The following SYT6 variants were observed in gnomAD, a reference collection of about 807,000 sequenced individuals.
SYT6 encodes the protein synaptotagmin 6, also known as synaptotagmin-6.
In SYT6, 24 loss-of-function variants were observed where a neutral mutation model predicts 38.4. The ratio of observed to expected loss-of-function variants is 0.62; its 90% CI spans 0.45 to 0.88. The LOEUF (loss-of-function observed/expected upper bound fraction) is 0.88. Among genes scored for constraint, SYT6 ranks in the 40% least tolerant of loss-of-function variants. The pLI, the probability that SYT6 is intolerant of heterozygous loss-of-function variation, is 0.00. For missense variants in SYT6, 611 were observed against 621.0 expected, an observed-to-expected ratio of 0.98 and a Z score of 0.17; for synonymous variants, 265 against 241.9, an observed-to-expected ratio of 1.10 and a Z score of -0.89.
At chr1:114,126,123 A>T (rs1007756630) in intron 3 of SYT6, among the ~76,000 whole-genome samples, 4 of 150,624 alleles carry the variant, frequency 2.7e-5, no homozygotes, top group African/African-American at 1.0e-4. Flanking sequence ...GCTGGGTCTC[A>T]TGAGACCTGA....
chr1:114,146,610 G>T (rs1237461846), intron 1 of SYT6, among the ~76,000 whole-genome samples: 1 of 152,170 alleles, frequency 6.6e-6, no homozygotes, highest in Admixed American at 6.5e-5. Flanking sequence ...TTCACTTCAG[G>T]AAAAGCTAGA....
In SYT6 at chr1:114,090,815, T is replaced by G. The variant is rs903908234; in HGVS notation, c.*1319A>C. 4.6e-5 allele frequency: 7 copies of G among 152,546 alleles called. No individual in the cohort carries two copies. The highest frequency in any genetic ancestry group is 1.7e-4 in the African/African-American group (7 of 41,444). The allele number at this position is 152,546 out of a possible 1,614,324, so 9.4% of individuals were successfully genotyped here. On this transcript the variant is annotated 3_prime_UTR_variant, in exon 8 of 8. Coordinates refer to ENST00000610222, the MANE Select transcript of SYT6 (RefSeq NM_001253772.2). ...CTATTAACTCAACAGAAATGTGCTA[T>G]TACAACACAGAATAGTTCAAACAAT...
At chr1:114,098,488 A>T (rs654819) in intron 5 of SYT6, among the ~76,000 whole-genome samples, 124,175 of 152,118 alleles carry the variant, frequency 0.82, 51,202 homozygotes, top group African/African-American at 0.92. Context: ...GAGCAGGATG[A>T]GTGGAAGAGA....
intron 3 of SYT6, among the ~76,000 whole-genome samples, chr1:114,107,525 G>C (rs12140761): frequency 0.21 from 31,467 of 152,200 alleles, 3,772 homozygotes; most frequent in Non-Finnish European, 0.28. Flanking sequence ...TCCAGGCTTC[G>C]CACGGGGGAG....
intron 3 of SYT6, among the ~76,000 whole-genome samples, chr1:114,130,003 C>G (rs1678054387): frequency 6.6e-6 from 1 of 152,072 alleles, no homozygotes; most frequent in Non-Finnish European, 1.5e-5. Context: ...GTTCTTTGAT[C>G]ATGCCAGATG....
intron 4 of SYT6, among the ~76,000 whole-genome samples, chr1:114,099,944 T>C (rs11102730): frequency 0.31 from 47,153 of 151,978 alleles, 7,489 homozygotes; most frequent in East Asian, 0.4. Context: ...TTCTGGACAG[T>C]GGAGAATGAG....
intron 3 of SYT6, among the ~76,000 whole-genome samples, chr1:114,124,996 G>A (rs1050339522): frequency 6.6e-6 from 1 of 152,214 alleles, no homozygotes; most frequent in Non-Finnish European, 1.5e-5. Flanking sequence ...AAGAAGCTCT[G>A]GTGGACACCC....
At chr1:114,130,186 C>T (rs1230145112) in intron 3 of SYT6, among the ~76,000 whole-genome samples, 4 of 146,182 alleles carry the variant, frequency 2.7e-5, no homozygotes, top group South Asian at 4.7e-4. Flanking sequence ...CCCAACCCAA[C>T]TTTCCTATCA....
chr1:114,129,928 T>TC (rs1160271652), intron 3 of SYT6, among the ~76,000 whole-genome samples: 1 of 151,304 alleles, frequency 6.6e-6, no homozygotes, highest in Non-Finnish European at 1.5e-5. Context: ...CACATAATCC[T>TC]CCTGCCTCGG....
In SYT6 at chr1:114,114,267, G is replaced by GC. The variant is rs536055989; in HGVS notation, c.1072-10547dup. Reference sequence around the variant, plus strand: ...AAGAGTGAGTGTCCCCTTCCATTCTGCCCCCTGGGTACTTCACTCGCCTCA... The same window carrying GC: ...AAGAGTGAGTGTCCCCTTCCATTCTGCCCCCCTGGGTACTTCACTCGCCTCA... On this transcript the variant is annotated intron_variant, in intron 3 of 7. Coordinates refer to ENST00000610222, the MANE Select transcript of SYT6 (RefSeq NM_001253772.2). Among the ~76,000 whole-genome samples, 182 of 152,314 alleles carry GC rather than the reference G, an allele frequency of 1.2e-3. 1 individual carries two copies. The highest frequency in any genetic ancestry group is 4.3e-3 in the African/African-American group (177 of 41,564).
At chr1:114,112,812 G>A (rs1203235266) in intron 3 of SYT6, among the ~76,000 whole-genome samples, 1 of 152,238 alleles carries the variant, frequency 6.6e-6, no homozygotes, top group Non-Finnish European at 1.5e-5. Flanking sequence ...AAGTTGTCTT[G>A]CCGAGTGGCT....
intron 3 of SYT6, among the ~76,000 whole-genome samples, chr1:114,132,096 A>G (rs1248485089): frequency 1.3e-5 from 2 of 152,182 alleles, no homozygotes; most frequent in Non-Finnish European, 2.9e-5. Context: ...TTATTTACAT[A>G]TGGGGGATGA....
chr1:114,140,614 T>C (rs1204544167), intron 1 of SYT6, among the ~76,000 whole-genome samples: 2 of 152,214 alleles, frequency 1.3e-5, no homozygotes, highest in African/African-American at 4.8e-5. Context: ...ACTCTGTGCA[T>C]AGTAGGCTCA....
chr1:114,119,799 C>T (rs1571857560), intron 3 of SYT6, among the ~76,000 whole-genome samples: 1 of 152,202 alleles, frequency 6.6e-6, no homozygotes, highest in Non-Finnish European at 1.5e-5. Context: ...AGGCCGGGCA[C>T]GGTGGCTCAC....
At chr1:114,139,005 A>G (rs1678683801) in intron 2 of SYT6, among the ~76,000 whole-genome samples, 1 of 152,188 alleles carries the variant, frequency 6.6e-6, no homozygotes, top group Non-Finnish European at 1.5e-5. Flanking sequence ...GAGTAAATAC[A>G]ATGCCTTACG....
At chr1:114,148,219 CTCT>C (rs1402457809) in intron 1 of SYT6, among the ~76,000 whole-genome samples, 1 of 152,212 alleles carries the variant, frequency 6.6e-6, no homozygotes, top group Non-Finnish European at 1.5e-5. Flanking sequence ...GCCCCCTCCC[CTCT>C]TCTCCACCCA....
chr1:114,101,246 C>T (rs1296479245), intron 4 of SYT6, among the ~76,000 whole-genome samples: 1 of 152,118 alleles, frequency 6.6e-6, no homozygotes, highest in Non-Finnish European at 1.5e-5. Flanking sequence ...AACACTTTCA[C>T]CAGCATCCAT....
chr1:114,119,571 A>G (rs1245695019), intron 3 of SYT6, among the ~76,000 whole-genome samples: 3 of 152,232 alleles, frequency 2.0e-5, no homozygotes, highest in Non-Finnish European at 4.4e-5. Flanking sequence ...AGATGAGAGA[A>G]CAAGCATGGA....
intron 3 of SYT6, among the ~76,000 whole-genome samples, chr1:114,131,077 G>A (rs1360053342): frequency 6.6e-6 from 1 of 152,080 alleles, no homozygotes; most frequent in African/African-American, 2.4e-5. Context: ...CATTTCAGGA[G>A]GCCTGCCTTC....
Sources: allele counts gnomAD v4.1 joint callset (sites outside exome capture counted in the v4.1 genomes callset), GRCh38; gene constraint gnomAD v4.1.1; transcripts MANE v1.5; gene names NCBI Gene and HGNC (gene_info 2026-07-23, HGNC 2026-07-21).